SMOC1: variants seen among roughly 807,000 people sequenced by gnomAD.
SMOC1 encodes SPARC-related modular calcium-binding protein 1.
Under a neutral mutation model 56.3 loss-of-function variants are expected in SMOC1, and 22 were observed. That is an observed-to-expected ratio of 0.39 (90% CI 0.28 to 0.56). The LOEUF (loss-of-function observed/expected upper bound fraction) is 0.56. Among genes scored for constraint, SMOC1 ranks in the 20% least tolerant of loss-of-function variants. The pLI is 0.61. For missense variants in SMOC1, 509 were observed against 565.4 expected, an observed-to-expected ratio of 0.90 and a Z score of 1.01; for synonymous variants, 193 against 215.0, an observed-to-expected ratio of 0.90 and a Z score of 0.89.
At chr14:69,951,169 C>A (rs1882982397) in intron 1 of SMOC1, among the ~76,000 whole-genome samples, 1 of 152,140 alleles carries the variant, frequency 6.6e-6, no homozygotes, top group South Asian at 2.1e-4. Flanking sequence ...TCTTACACAG[C>A]AGCTGGTTTC....
chr14:70,020,879 T>C (rs34797412), intron 10 of SMOC1, among the ~76,000 whole-genome samples: 32,486 of 151,954 alleles, frequency 0.21, 3,720 homozygotes, highest in African/African-American at 0.28. Flanking sequence ...TGCTGCAAAA[T>C]AGCCCAAAGG....
At chr14:69,902,206 G>A (rs1338921505) in intron 1 of SMOC1, among the ~76,000 whole-genome samples, 1 of 152,166 alleles carries the variant, frequency 6.6e-6, no homozygotes, top group Non-Finnish European at 1.5e-5. Context: ...TAGTTATTTG[G>A]TCACTATGAA....
chr14:70,005,594 A>G (rs1024206116), intron 7 of SMOC1, among the ~76,000 whole-genome samples: 2 of 152,264 alleles, frequency 1.3e-5, no homozygotes, highest in African/African-American at 4.8e-5. Context: ...AGTATTTACC[A>G]TGTGCCAGAC....
At chr14:70,011,681 C>T (rs925800045) in intron 9 of SMOC1, 114 bp downstream of exon 9, 1 of 998,008 alleles carries the variant, frequency 1.0e-6, no homozygotes. Context: ...TAAGATGGAG[C>T]CAGGAGCCGT....
chr14:70,019,692 A>G (rs1486339864), intron 10 of SMOC1, among the ~76,000 whole-genome samples: 2 of 152,086 alleles, frequency 1.3e-5, no homozygotes, highest in African/African-American at 4.8e-5. Flanking sequence ...CTGTGATGGA[A>G]AGTCTCCAGC....
intron 2 of SMOC1, 30 bp downstream of exon 2, chr14:69,952,333 G>C: frequency 2.5e-6 from 4 of 1,612,902 alleles, no homozygotes; most frequent in Non-Finnish European, 3.4e-6. Flanking sequence ...CCCAGCCAAG[G>C]AGAGGTTCCT....
At chr14:69,911,689 C>T (rs574873066) in intron 1 of SMOC1, among the ~76,000 whole-genome samples, 1 of 152,138 alleles carries the variant, frequency 6.6e-6, no homozygotes, top group African/African-American at 2.4e-5. Flanking sequence ...TTGGTAGTTC[C>T]TTTTTATTGG....
chr14:70,016,439 G>C (rs964958551), intron 10 of SMOC1, among the ~76,000 whole-genome samples: 1 of 152,200 alleles, frequency 6.6e-6, no homozygotes, highest in Non-Finnish European at 1.5e-5. Context: ...GTTACCTAGA[G>C]GATGGACTTT....
intron 11 of SMOC1, among the ~76,000 whole-genome samples, chr14:70,026,729 G>A (rs1885940614): frequency 6.6e-6 from 1 of 152,130 alleles, no homozygotes; most frequent in Admixed American, 6.5e-5. Flanking sequence ...TCTGTGACAT[G>A]TCTCTGAATG....
At chr14:69,936,034 T>G (rs778731352) in intron 1 of SMOC1, among the ~76,000 whole-genome samples, 2 of 152,200 alleles carry the variant, frequency 1.3e-5, no homozygotes, top group Non-Finnish European at 2.9e-5. Flanking sequence ...GGAGAGCCAA[T>G]GTCCCTCCAC....
intron 1 of SMOC1, among the ~76,000 whole-genome samples, chr14:69,888,604 C>G (rs575527724): frequency 2.6e-4 from 39 of 152,316 alleles, no homozygotes; most frequent in African/African-American, 9.1e-4. Context: ...AACAACTACG[C>G]CTCGCCTCCT....
chr14:69,926,079 C>T (rs982184889), intron 1 of SMOC1, among the ~76,000 whole-genome samples: 1 of 151,892 alleles, frequency 6.6e-6, no homozygotes, highest in African/African-American at 2.4e-5. Flanking sequence ...GAATTGGCTC[C>T]TGACTTGGTA....
chr14:69,922,627 C>CAG (rs1884877081), intron 1 of SMOC1, among the ~76,000 whole-genome samples: 2 of 152,214 alleles, frequency 1.3e-5, no homozygotes, highest in African/African-American at 4.8e-5. Context: ...GGGCCCCCTC[C>CAG]AGACCTAGTG....
chr14:69,902,468 G>T (rs888194894), intron 1 of SMOC1, among the ~76,000 whole-genome samples: 1 of 152,110 alleles, frequency 6.6e-6, no homozygotes, highest in Non-Finnish European at 1.5e-5. Flanking sequence ...CTTGTGACTT[G>T]CCTGGACTCT....
At chr14:69,996,459 T>C (rs1884768743) in intron 7 of SMOC1, among the ~76,000 whole-genome samples, 1 of 152,222 alleles carries the variant, frequency 6.6e-6, no homozygotes, top group Admixed American at 6.5e-5. Context: ...AGAATGCCTG[T>C]CTTCTTGGGC....
intron 1 of SMOC1, among the ~76,000 whole-genome samples, chr14:69,911,463 G>A (rs773604260): frequency 1.6e-4 from 24 of 152,208 alleles, no homozygotes; most frequent in Non-Finnish European, 3.2e-4. Context: ...AAGACACAGA[G>A]CAGTTCCATC....
intron 10 of SMOC1, among the ~76,000 whole-genome samples, chr14:70,018,220 G>C (rs1885588432): frequency 1.3e-5 from 2 of 152,108 alleles, no homozygotes; most frequent in South Asian, 4.1e-4. Flanking sequence ...AAGGCAGGCA[G>C]GAAGACGATA....
chr14:70,021,715 TC>T (rs144142374), intron 10 of SMOC1, among the ~76,000 whole-genome samples: 5,911 of 152,140 alleles, frequency 0.039, 138 homozygotes, highest in Non-Finnish European at 0.044. Context: ...TGGCTTTTTT[TC>T]CCCCCGCATA....
At chr14:70,025,854 GTCT>G (rs1885906089) in intron 11 of SMOC1, among the ~76,000 whole-genome samples, 2 of 152,202 alleles carry the variant, frequency 1.3e-5, no homozygotes, top group Non-Finnish European at 2.9e-5. Flanking sequence ...AAATGCTAGA[GTCT>G]ATCTCATAGG....
Sources: gnomAD v4.1 joint callset for allele counts (sites outside exome capture counted in the v4.1 genomes callset) on GRCh38, gnomAD v4.1.1 for gene constraint, MANE v1.5 for transcripts, NCBI Gene and HGNC (gene_info 2026-07-23, HGNC 2026-07-21) for gene names.